The following PYY variants were observed in gnomAD, a reference collection of about 807,000 sequenced individuals.
The protein encoded by PYY is peptide tyrosine tyrosine.
PYY carries 12 observed loss-of-function variants against 10.3 expected under a neutral mutation model. The ratio of observed to expected loss-of-function variants is 1.17; its 90% CI spans 0.75 to 1.89. The LOEUF is 1.89. PYY is among the 40% of genes most tolerant of loss of function. PYY has a pLI of 0.00. For synonymous variants in PYY, 66 were observed against 62.0 expected (o/e 1.06, Z -0.30); for missense variants, 141 against 134.0 (o/e 1.05, Z -0.26).
intron 1 of PYY, among the ~76,000 whole-genome samples, chr17:43,991,149 G>A (rs1024124163): frequency 6.6e-6 from 1 of 151,930 alleles, no homozygotes; most frequent in Non-Finnish European, 1.5e-5. Context: ...CTCAACTGGG[G>A]CCAGGCACAG....
intron 1 of PYY, among the ~76,000 whole-genome samples, chr17:43,990,125 A>C (rs372648085): frequency 6.6e-6 from 1 of 151,508 alleles, no homozygotes; most frequent in Admixed American, 6.6e-5. Context: ...GAGAGTGTAC[A>C]CTGGCACAAC....
intron 1 of PYY, among the ~76,000 whole-genome samples, chr17:44,003,653 T>TCAAA (rs201721499): frequency 5.2e-5 from 5 of 95,858 alleles, no homozygotes; most frequent in African/African-American, 1.6e-4. Context: ...GGACTCCATC[T>TCAAA]CAAACAAACA....
chr17:43,956,994 T>C (rs189625730), upstream of PYY, among the ~76,000 whole-genome samples: 1,646 of 151,756 alleles, frequency 0.011, 32 homozygotes, highest in African/African-American at 0.038. Flanking sequence ...GGTCAGGAGT[T>C]CAAGACCAGC....
At chr17:43,972,421 G>A (rs1476331190) in intron 1 of PYY, among the ~76,000 whole-genome samples, 1 of 151,906 alleles carries the variant, frequency 6.6e-6, no homozygotes, top group African/African-American at 2.4e-5. Flanking sequence ...CACCATGTTG[G>A]GCCAGGCTGG....
At chr17:43,975,582 T>C in intron 1 of PYY, among the ~76,000 whole-genome samples, 1 of 151,426 alleles carries the variant, frequency 6.6e-6, no homozygotes, top group Non-Finnish European at 1.5e-5. Context: ...AGCTGAGTAT[T>C]GTAGCACGTG....
Position 44,003,681 on chromosome 17 carries a change from A to C in PYY, c.-463+710T>G, listed in dbSNP as rs901960637. Reference sequence around the variant, plus strand: ...AACAAACAAACAAACAAAAAAAAAAAAAAAAAAAAGGGTTACAGAGGTCGA... The same window carrying C: ...AACAAACAAACAAACAAAAAAAAAACAAAAAAAAAGGGTTACAGAGGTCGA... On this transcript the variant is annotated intron_variant, in intron 1 of 6. Transcript: ENST00000360085. Among the ~76,000 whole-genome samples, 103 of 151,080 alleles carry C rather than the reference A, an allele frequency of 6.8e-4. 1 individual carries two copies. The highest frequency in any genetic ancestry group is 2.4e-3 in the African/African-American group (99 of 41,138).
intron 1 of PYY, among the ~76,000 whole-genome samples, chr17:43,969,254 A>T (rs558452002): frequency 7.0e-6 from 1 of 143,046 alleles, no homozygotes; most frequent in South Asian, 2.2e-4. Context: ...AGTGGCTCAC[A>T]CCTGTAATCC....
intron 1 of PYY, among the ~76,000 whole-genome samples, chr17:43,981,215 G>T (rs982819142): frequency 1.3e-5 from 2 of 152,046 alleles, no homozygotes; most frequent in Non-Finnish European, 2.9e-5. Flanking sequence ...ATATACACAC[G>T]TCTGTTGAGT....
At chr17:43,965,021 G>A (rs2048744640) in intron 2 of PYY, among the ~76,000 whole-genome samples, 1 of 152,240 alleles carries the variant, frequency 6.6e-6, no homozygotes, top group African/African-American at 2.4e-5. Flanking sequence ...ACACCCGTCA[G>A]TCCTGACTTT....
In PYY at chr17:43,952,995, G is replaced by C. The variant is rs753072446; in HGVS notation, c.270-15C>G. ...GGCCCTCCGACCTGCGGAAGCGAAG[G>C]GGAAGGAATTGGATCTGGGGAGGCG... On this transcript the variant is annotated splice_polypyrimidine_tract_variant and intron_variant, in intron 3 of 3. Transcript: ENST00000692052. The C allele has an allele frequency of 6.4e-7, 1 of 1,571,542 alleles. No homozygotes were observed. The highest frequency in any genetic ancestry group is 8.6e-7 in the Non-Finnish European group (1 of 1,157,546).
At chr17:43,965,255 T>C (rs550761607) in intron 2 of PYY, among the ~76,000 whole-genome samples, 45 of 144,664 alleles carry the variant, frequency 3.1e-4, no homozygotes, top group African/African-American at 1.1e-3. Context: ...CCGAGGAGGG[T>C]GGATCACTTG....
chr17:43,954,541 G>C (rs990304028), upstream of PYY, among the ~76,000 whole-genome samples: 11 of 152,132 alleles, frequency 7.2e-5, no homozygotes, highest in Admixed American at 3.3e-4. Flanking sequence ...ACTCCATTAT[G>C]TCCTCTCTCT....
intron 2 of PYY, among the ~76,000 whole-genome samples, chr17:43,962,375 T>C (rs548371699): frequency 6.6e-6 from 1 of 152,120 alleles, no homozygotes; most frequent in Admixed American, 6.5e-5. Context: ...TACAATGTGA[T>C]GATTTGATAT....
At chr17:43,982,375 C>T (rs1000926071) in intron 1 of PYY, among the ~76,000 whole-genome samples, 1 of 152,214 alleles carries the variant, frequency 6.6e-6, no homozygotes. Context: ...GCCCTGAATG[C>T]CTGTGTGCAT....
chr17:43,952,866 G>C lies in PYY; in HGVS notation c.*90C>G. The C allele has an allele frequency of 7.1e-7, 1 of 1,401,064 alleles. No individual in the cohort carries two copies. The highest frequency in any genetic ancestry group is 1.5e-5 in the South Asian group (1 of 67,378). 86.8% of individuals were successfully genotyped at this position (1,401,064 alleles called of 1,614,324 possible). On this transcript the variant is annotated 3_prime_UTR_variant, in exon 4 of 4. Transcript: ENST00000692052. ...GAACCCTGCCCAGACGCCGCCGTCG[G>C]GAGGCAGAATCCGGGTTTCTGGGGT...
At chr17:44,003,881 T>G (rs970355312) in intron 1 of PYY, among the ~76,000 whole-genome samples, 3 of 151,832 alleles carry the variant, frequency 2.0e-5, no homozygotes, top group Non-Finnish European at 4.4e-5. Flanking sequence ...TCCCAGCTAC[T>G]AGGGAGACTG....
intron 1 of PYY, among the ~76,000 whole-genome samples, chr17:44,000,442 G>A (rs2049018280): frequency 6.6e-6 from 1 of 151,998 alleles, no homozygotes; most frequent in African/African-American, 2.4e-5. Flanking sequence ...GTGTCAAAGT[G>A]TCCTGTAGCT....
At position 43,978,196 on chromosome 17, in the gene PYY, A is replaced by G. The variant is rs1372459920; in HGVS notation, c.-462-11664T>C. Among the ~76,000 whole-genome samples, 5 of 151,528 alleles carry G rather than the reference A, an allele frequency of 3.3e-5. No individual in the cohort carries two copies. In the East Asian group the frequency reaches 9.7e-4, roughly 29 times the overall value. ...GACAGAGCAAGACCCTGAAAGAAAGAAGAAAGGAAAGAAGGAAAGAAAGAG... is the reference window on the plus strand; with the variant it reads ...GACAGAGCAAGACCCTGAAAGAAAGGAGAAAGGAAAGAAGGAAAGAAAGAG... On this transcript the variant is annotated intron_variant, in intron 1 of 6. Transcript: ENST00000360085.
intron 1 of PYY, among the ~76,000 whole-genome samples, chr17:43,977,975 G>T (rs766146293): frequency 6.6e-6 from 1 of 152,032 alleles, no homozygotes; most frequent in Non-Finnish European, 1.5e-5. Context: ...TGAGGCAGGC[G>T]GATTGCTTGA....
Sources: allele counts gnomAD v4.1 joint callset (sites outside exome capture counted in the v4.1 genomes callset), GRCh38; gene constraint gnomAD v4.1.1; transcripts MANE v1.5; gene names NCBI Gene and HGNC (gene_info 2026-07-23, HGNC 2026-07-21).